The following MAPK8IP3 variants were observed in gnomAD, a reference collection of about 807,000 sequenced individuals.
The protein encoded by MAPK8IP3 is C-Jun-amino-terminal kinase-interacting protein 3.
A neutral mutation model predicts 157.8 loss-of-function variants in MAPK8IP3; 49 were observed. The ratio of observed to expected loss-of-function variants is 0.31; its 90% CI spans 0.25 to 0.39. MAPK8IP3 has a LOEUF of 0.39. Among genes scored for constraint, MAPK8IP3 ranks in the 10% least tolerant of loss-of-function variants. The pLI is 1.00. For synonymous variants in MAPK8IP3, 897 were observed against 777.7 expected (o/e 1.15, Z -2.55); for missense variants, 1,478 against 1,889.4 (o/e 0.78, Z 4.04).
In MAPK8IP3 at chr16:1,708,967, G is replaced by T. The variant is rs190430803; in HGVS notation, c.318+2310G>T. ...CTAGGCAGGGACTTGTGATCACATA[G>T]ACGTGTGTCTGATAAGAGGGGAGCG... On this transcript the variant is annotated intron_variant, in intron 1 of 31. Coordinates refer to ENST00000610761, the MANE Select transcript of MAPK8IP3 (RefSeq NM_001318852.2). 4.7e-4 allele frequency among the ~76,000 whole-genome samples: 72 copies of T among 152,280 alleles called. No homozygotes were observed. In the East Asian group the frequency reaches 0.013, roughly 27 times the overall value.
In MAPK8IP3 at chr16:1,739,346, A is replaced by C. The variant is rs575033063; in HGVS notation, c.603-3986A>C. Among the ~76,000 whole-genome samples the C allele has an allele frequency of 8.6e-5, 8 of 92,494 alleles. No homozygotes were observed. In the Admixed American group the frequency reaches 8.8e-4, roughly 10 times the overall value. The allele number at this position is 92,494 out of a possible 152,430, so 60.7% of individuals were successfully genotyped here. ...CATCCGTGTGAGAGTGTGACCATCC[A>C]TGTGAGCATCCGTGTGAGCATCCGT... On this transcript the variant is annotated intron_variant, in intron 4 of 31. Coordinates refer to ENST00000610761, the MANE Select transcript of MAPK8IP3 (RefSeq NM_001318852.2).
At chr16:1,767,438 C>T (rs1305828999) in intron 26 of MAPK8IP3, 126 bp from the exon 27 acceptor site, 20 of 1,496,878 alleles carry the variant, frequency 1.3e-5, no homozygotes, top group Non-Finnish European at 1.8e-5. Flanking sequence ...CTCGAACAGG[C>T]GCAAAGCAGG....
intron 8 of MAPK8IP3, 94 bp downstream of exon 8, chr16:1,748,814 C>A (rs759793314): frequency 6.2e-6 from 7 of 1,124,988 alleles, no homozygotes; most frequent in Non-Finnish European, 9.5e-6. Flanking sequence ...AGTCCTCTGT[C>A]AGCTGTGAGC....
intron 9 of MAPK8IP3, 114 bp downstream of exon 9, chr16:1,758,273 G>T: frequency 8.2e-7 from 1 of 1,216,128 alleles, no homozygotes. Flanking sequence ...CCCCCACGTC[G>T]CCGCAGCGCC....
chr16:1,711,994 G>T (rs1315984706), intron 1 of MAPK8IP3, among the ~76,000 whole-genome samples: 3 of 143,284 alleles, frequency 2.1e-5, no homozygotes, highest in Non-Finnish European at 4.5e-5. Context: ...AGCTCCCCTT[G>T]TCACCCCAAG....
Position 1,764,228 on chromosome 16 carries a change from C to A in MAPK8IP3, c.2121+18C>A, listed in dbSNP as rs2042122534. On this transcript the variant is annotated intron_variant, in intron 18 of 31. Coordinates refer to ENST00000610761, the MANE Select transcript of MAPK8IP3 (RefSeq NM_001318852.2). ...CCATGAAGGTGAGCCCGCGAGGACC[C>A]CGCTCAGGCTGGCTGGGCGAGCGGG... is the stretch of plus-strand genomic sequence containing the variant. The A allele has an allele frequency of 6.2e-7, 1 of 1,607,374 alleles. No homozygotes were observed. Among genetic ancestry groups the A allele is most frequent in the Non-Finnish European group, 8.5e-7 (1 of 1,177,258 alleles).
At chr16:1,736,321 A>ACCAT (rs2039814639) in intron 4 of MAPK8IP3, among the ~76,000 whole-genome samples, 1 of 26,622 alleles carries the variant, frequency 3.8e-5, no homozygotes, top group Non-Finnish European at 6.2e-5. Context: ...TGAGCGTGTG[A>ACCAT]CCGTGTGAGC....
At chr16:1,736,805 CGT>C (rs1335652309) in intron 4 of MAPK8IP3, among the ~76,000 whole-genome samples, 1 of 45,754 alleles carries the variant, frequency 2.2e-5, no homozygotes, top group Non-Finnish European at 3.7e-5. Context: ...TCCGTGTGAG[CGT>C]GTGACCGTCC....
chr16:1,738,712 C>A (rs1438718674), intron 4 of MAPK8IP3, among the ~76,000 whole-genome samples: 2 of 119,592 alleles, frequency 1.7e-5, no homozygotes, highest in African/African-American at 6.7e-5. Context: ...AGCGTGTGAG[C>A]ATCCGTGTGA....
chr16:1,717,608 G>A (rs983797532), intron 1 of MAPK8IP3, among the ~76,000 whole-genome samples: 2 of 152,242 alleles, frequency 1.3e-5, no homozygotes, highest in African/African-American at 2.4e-5. Flanking sequence ...TCACGAGCAC[G>A]TGTACAGAAA....
Position 1,742,572 on chromosome 16 carries a change from G to C in MAPK8IP3, c.603-760G>C, listed in dbSNP as rs1012346801. Among the ~76,000 whole-genome samples, 2 of 152,230 alleles carry C rather than the reference G, an allele frequency of 1.3e-5. No homozygotes were observed. Among genetic ancestry groups the C allele is most frequent in the African/African-American group, 4.8e-5 (2 of 41,458 alleles). ...ATATTTTGCAGTGAGGCAGCCTCAT[G>C]AACAGGAGTAATGAGGATGGGCAGG... is the stretch of plus-strand genomic sequence containing the variant. On this transcript the variant is annotated intron_variant, in intron 4 of 31. Transcript: ENST00000610761. The surrounding 1 kb of genome is among the most constrained non-coding windows in gnomAD (Gnocchi z 5.0).
chr16:1,768,671 G>C, intron 31 of MAPK8IP3, 32 bp from the exon 32 acceptor site: 2 of 1,611,228 alleles, frequency 1.2e-6, no homozygotes, highest in Non-Finnish European at 1.7e-6. Context: ...CGCGGGGGGA[G>C]CCTGGCCGTC....
intron 4 of MAPK8IP3, among the ~76,000 whole-genome samples, chr16:1,739,475 TC>T: frequency 8.1e-6 from 1 of 123,288 alleles, no homozygotes; most frequent in Non-Finnish European, 1.7e-5. Flanking sequence ...CGTGTGACCG[TC>T]CGTGTGAGCA....
chr16:1,767,338 T>C (rs965234479), intron 26 of MAPK8IP3, 41 bp downstream of exon 26: 35 of 1,609,704 alleles, frequency 2.2e-5, no homozygotes, highest in Non-Finnish European at 2.8e-5. Context: ...AAGAGGCTCC[T>C]GCTGGCCAGC....
In MAPK8IP3 at chr16:1,764,166, C is replaced by G; in HGVS notation, c.2077C>G (p.Pro693Ala). ...EDTRMKNVPV[P>A]VYCRPLVEKD... ...CACGCGGATGAAGAACGTGCCGGTGCCGGTGTACTGCCGCCCTCTGGTGGA... is the reference window on the plus strand; with the variant it reads ...CACGCGGATGAAGAACGTGCCGGTGGCGGTGTACTGCCGCCCTCTGGTGGA... Residue 693 changes from proline to alanine, a missense_variant, in exon 18 of 32, where the codon CCG becomes GCG. Coordinates refer to ENST00000610761, the MANE Select transcript of MAPK8IP3 (RefSeq NM_001318852.2). The G allele has an allele frequency of 6.2e-7, 1 of 1,611,746 alleles. No individual in the cohort carries two copies. The highest frequency in any genetic ancestry group is 8.5e-7 in the Non-Finnish European group (1 of 1,179,566).
At chr16:1,764,088 C>G (rs201553521) in intron 17 of MAPK8IP3, 27 bp from the exon 18 acceptor site, 27 of 1,569,444 alleles carry the variant, frequency 1.7e-5, no homozygotes, top group Non-Finnish European at 2.3e-5. Flanking sequence ...AGGGTTCGTG[C>G]CCACGGCGCC....
At chr16:1,738,613 CGTGT>C (rs1318543964) in intron 4 of MAPK8IP3, among the ~76,000 whole-genome samples, 1 of 124,668 alleles carries the variant, frequency 8.0e-6, no homozygotes. Flanking sequence ...TGTGACCGTC[CGTGT>C]GAGCATCGGT....
rs1284903021 is a variant in MAPK8IP3, at chr16:1,766,802, G to A, written c.3019G>A (p.Val1007Met). ...GCTGAAGGATTCTGTGCTGAGCCTGGTGTGGGTGACCCCAGACCGAGGGCC... is the reference window on the plus strand; with the variant it reads ...GCTGAAGGATTCTGTGCTGAGCCTGATGTGGGTGACCCCAGACCGAGGGCC... ...IKLKDSVLSLVHVKGRVLVAL... is the reference protein window; with the variant it reads ...IKLKDSVLSLMHVKGRVLVAL... The change falls in exon 24 of 32, where the codon GTG (valine) becomes ATG (methionine). Residue 1007 changes from valine to methionine, a missense_variant and splice_region_variant. By Grantham distance (21) the Val-to-Met change is conservative (BLOSUM62 1). Around this residue, in one of 11 missense-constraint regions of MAPK8IP3, gnomAD observed 669 missense variants for 759.8 expected, o/e 0.88. Transcript: ENST00000610761. 6.2e-7 allele frequency: 1 copy of A among 1,612,566 alleles called. No individual in the cohort carries two copies. Among genetic ancestry groups the A allele is most frequent in the Admixed American group, 1.7e-5 (1 of 60,006 alleles).
intron 8 of MAPK8IP3, among the ~76,000 whole-genome samples, chr16:1,754,883 G>A (rs538820114): frequency 2.0e-5 from 3 of 152,278 alleles, no homozygotes; most frequent in South Asian, 4.1e-4. Flanking sequence ...GTGTTGCCAC[G>A]TGCCCGGACC....
Sources: gnomAD v4.1 joint callset for allele counts (sites outside exome capture counted in the v4.1 genomes callset) on GRCh38, gnomAD v4.1.1 for gene constraint, gnomAD v4.1.1 regional missense constraint, Gnocchi (gnomAD v3.1) non-coding constraint, MANE v1.5 for transcripts, NCBI Gene and HGNC (gene_info 2026-07-23, HGNC 2026-07-21) for gene names.